MCMBP: variants seen among roughly 807,000 people sequenced by gnomAD.
The protein encoded by MCMBP is minichromosome maintenance complex binding protein.
A neutral mutation model predicts 81.3 loss-of-function variants in MCMBP; 31 were observed. That is an observed-to-expected ratio of 0.38 (90% CI 0.29 to 0.51). The LOEUF is 0.51. Among genes scored for constraint, MCMBP ranks in the 20% least tolerant of loss-of-function variants. The pLI is 0.87. For synonymous variants in MCMBP, 267 were observed against 275.9 expected, an observed-to-expected ratio of 0.97 and a Z score of 0.32; for missense variants, 645 against 772.1, an observed-to-expected ratio of 0.84 and a Z score of 1.95.
At chr10:119,843,579 A>G (rs1390531908) in intron 8 of MCMBP, among the ~76,000 whole-genome samples, 153 bp from the exon 9 acceptor site, 1 of 152,250 alleles carries the variant, frequency 6.6e-6, no homozygotes, top group Non-Finnish European at 1.5e-5. Flanking sequence ...TCTCATTCTA[A>G]AGTGTTACAT....
intron 10 of MCMBP, among the ~76,000 whole-genome samples, chr10:119,841,492 G>T (rs1589780492): frequency 1.3e-5 from 2 of 152,352 alleles, no homozygotes; most frequent in South Asian, 4.1e-4. Flanking sequence ...ACTGCATAGT[G>T]AAATACTTTG....
chr10:119,831,827 T>C (rs1852051492), intron 15 of MCMBP, among the ~76,000 whole-genome samples, 185 bp downstream of exon 15: 1 of 152,230 alleles, frequency 6.6e-6, no homozygotes, highest in African/African-American at 2.4e-5. Context: ...ACAAGCAGCA[T>C]GCCTGTTCCA....
In MCMBP at chr10:119,830,976, G is replaced by GTCA. The variant is rs1194447382; in HGVS notation, c.*495_*497dup. 6.6e-6 allele frequency: 1 copy of GTCA among 152,292 alleles called. No homozygotes were observed. The highest frequency in any genetic ancestry group is 2.4e-5 in the African/African-American group (1 of 41,436). 9.4% of individuals were successfully genotyped at this position (152,292 alleles called of 1,614,324 possible). On this transcript the variant is annotated 3_prime_UTR_variant, in exon 16 of 16. Transcript: ENST00000369077. ...AAATGACAGTACAGAATTTCATGTA[G>GTCA]TCATGTGAATCAATGGCAAGTACGC...
chr10:119,837,804 TAG>T (rs1362170809), intron 12 of MCMBP, among the ~76,000 whole-genome samples: 1 of 152,012 alleles, frequency 6.6e-6, no homozygotes. Flanking sequence ...AAAATTATAT[TAG>T]ATCTTTTCTA....
At chr10:119,848,587 T>C (rs1852701237) in intron 7 of MCMBP, among the ~76,000 whole-genome samples, 1 of 152,058 alleles carries the variant, frequency 6.6e-6, no homozygotes, top group East Asian at 1.9e-4. Flanking sequence ...CACACCAGCC[T>C]GGACAAGAGA....
chr10:119,870,624 T>G (rs1045029094), intron 1 of MCMBP, among the ~76,000 whole-genome samples: 2 of 152,200 alleles, frequency 1.3e-5, no homozygotes, highest in African/African-American at 4.8e-5. Context: ...CTGAACTGCT[T>G]TTTTCTTTCT....
intron 5 of MCMBP, among the ~76,000 whole-genome samples, chr10:119,855,966 T>C (rs766708847): frequency 6.6e-6 from 1 of 152,188 alleles, no homozygotes; most frequent in Non-Finnish European, 1.5e-5. Context: ...TAGTCACTCC[T>C]GTAATCCCAG....
intron 7 of MCMBP, 135 bp downstream of exon 7, chr10:119,849,290 G>T: frequency 1.1e-6 from 1 of 885,794 alleles, no homozygotes; most frequent in Non-Finnish European, 1.7e-6. Context: ...AACTTTTGCT[G>T]CTTTAGGCTA....
intron 7 of MCMBP, among the ~76,000 whole-genome samples, chr10:119,848,327 A>G (rs1852689637): frequency 6.6e-6 from 1 of 152,260 alleles, no homozygotes; most frequent in African/African-American, 2.4e-5. Flanking sequence ...AAAACCACTG[A>G]GAATCTGGGT....
Position 119,853,239 on chromosome 10 carries a change from T to C in MCMBP, c.430-45A>G, listed in dbSNP as rs771935728. 5.1e-6 allele frequency: 8 copies of C among 1,560,504 alleles called. No homozygotes were observed. In the South Asian group the frequency reaches 8.3e-5, roughly 16 times the overall value. On this transcript the variant is annotated intron_variant, in intron 5 of 15. Transcript: ENST00000369077. ...AAAGACTATCATAAACTGAGGAATA[T>C]CCTAAAGTTTTGCTAATTATATGAC...
intron 7 of MCMBP, among the ~76,000 whole-genome samples, chr10:119,848,216 A>G (rs1192939489): frequency 6.6e-6 from 1 of 152,122 alleles, no homozygotes; most frequent in Non-Finnish European, 1.5e-5. Flanking sequence ...GGACTTAGTA[A>G]TAGTCAAGGC....
chr10:119,872,999 C>CACGCAGCGCCGCTGGAGGCT (rs1853765076), upstream of MCMBP: 1 of 151,956 alleles, frequency 6.6e-6, no homozygotes, highest in African/African-American at 2.4e-5. Context: ...AAAGGAAGGG[C>CACGCAGCGCCGCTGGAGGCT]ACGCAGCGCC....
intron 14 of MCMBP, 52 bp downstream of exon 14, chr10:119,835,488 T>G (rs1298335035): frequency 6.8e-7 from 1 of 1,479,142 alleles, no homozygotes; most frequent in Admixed American, 2.0e-5. Context: ...TGTAAATTGG[T>G]TGCATACTGC....
intron 10 of MCMBP, among the ~76,000 whole-genome samples, chr10:119,841,259 A>G (rs1852422190): frequency 6.6e-6 from 1 of 152,314 alleles, no homozygotes; most frequent in East Asian, 1.9e-4. Context: ...AGGCACAGAG[A>G]TGATAATAAG....
intron 1 of MCMBP, among the ~76,000 whole-genome samples, chr10:119,869,658 G>C (rs1853597246): frequency 6.6e-6 from 1 of 151,670 alleles, no homozygotes; most frequent in Non-Finnish European, 1.5e-5. Flanking sequence ...TTGAACCTGG[G>C]AGGAGGAGGT....
intron 7 of MCMBP, among the ~76,000 whole-genome samples, chr10:119,848,564 G>T (rs1222668243): frequency 2.0e-5 from 3 of 152,084 alleles, no homozygotes; most frequent in Admixed American, 6.6e-5. Context: ...AGTGAGCCGA[G>T]ATCGTGCCAC....
At chr10:119,839,904 C>T (rs1374717354) in intron 11 of MCMBP, among the ~76,000 whole-genome samples, 1 of 152,118 alleles carries the variant, frequency 6.6e-6, no homozygotes, top group Non-Finnish European at 1.5e-5. Context: ...TCAACCAAAA[C>T]CTGAGACTAC....
intron 11 of MCMBP, among the ~76,000 whole-genome samples, chr10:119,840,190 T>C (rs1346939275): frequency 6.6e-6 from 1 of 152,102 alleles, no homozygotes; most frequent in African/African-American, 2.4e-5. Flanking sequence ...GTAAAGTGAG[T>C]CTAAGGAGAC....
At chr10:119,850,155 C>T (rs533883816) in intron 6 of MCMBP, among the ~76,000 whole-genome samples, 2 of 152,222 alleles carry the variant, frequency 1.3e-5, no homozygotes, top group East Asian at 3.9e-4. Context: ...AAACACCACT[C>T]AGCAATAAAA....
Sources: allele counts gnomAD v4.1 joint callset (sites outside exome capture counted in the v4.1 genomes callset), GRCh38; gene constraint gnomAD v4.1.1; transcripts MANE v1.5; gene names NCBI Gene and HGNC (gene_info 2026-07-23, HGNC 2026-07-21).